ZBTB20: variants seen among roughly 807,000 people sequenced by gnomAD.
The protein encoded by ZBTB20 is zinc finger and BTB domain containing 20, also known as zinc finger and BTB domain-containing protein 20.
A neutral mutation model predicts 56.9 loss-of-function variants in ZBTB20; 9 were observed. That is an observed-to-expected ratio of 0.16 (90% CI 0.10 to 0.28). The LOEUF is 0.28. ZBTB20 is among the 10% of genes least tolerant of loss of function. The pLI, the probability that ZBTB20 is intolerant of heterozygous loss-of-function variation, is 1.00. For synonymous variants in ZBTB20, 417 were observed against 420.7 expected (o/e 0.99, Z 0.11); for missense variants, 655 against 1,003.0 (o/e 0.65, Z 4.69).
At chr3:114,480,602 T>C (rs2041423613) in intron 7 of ZBTB20, among the ~76,000 whole-genome samples, 1 of 152,216 alleles carries the variant, frequency 6.6e-6, no homozygotes, top group Non-Finnish European at 1.5e-5. Flanking sequence ...GTGGTCAGGT[T>C]TGAACTGAAG....
At chr3:114,921,243 T>G (rs1404348254) in intron 3 of ZBTB20, among the ~76,000 whole-genome samples, 1 of 152,062 alleles carries the variant, frequency 6.6e-6, no homozygotes, top group Non-Finnish European at 1.5e-5. Context: ...CTGCTTCAGC[T>G]TCCCAAGTAG....
intron 4 of ZBTB20, among the ~76,000 whole-genome samples, chr3:114,835,384 GT>G (rs1433212168): frequency 6.6e-5 from 10 of 151,702 alleles, no homozygotes; most frequent in South Asian, 2.1e-4. Context: ...CAAAAAAGTT[GT>G]TTTTTTAATA....
At chr3:115,068,683 G>T (rs1192296138) in intron 2 of ZBTB20, among the ~76,000 whole-genome samples, 1 of 151,910 alleles carries the variant, frequency 6.6e-6, no homozygotes, top group African/African-American at 2.4e-5. Context: ...TCCATTATAG[G>T]CCCCGAAAGT....
At chr3:114,570,134 T>A (rs758220004) in intron 6 of ZBTB20, among the ~76,000 whole-genome samples, 8 of 141,484 alleles carry the variant, frequency 5.7e-5, no homozygotes, top group Non-Finnish European at 1.3e-4. Flanking sequence ...AAGAAGATTA[T>A]AAAGGTAAAA....
chr3:114,662,178 G>A (rs1443968449), intron 6 of ZBTB20, among the ~76,000 whole-genome samples: 3 of 151,492 alleles, frequency 2.0e-5, no homozygotes, highest in African/African-American at 4.9e-5. Flanking sequence ...TCTTGCGATA[G>A]TTTACTGAGA....
chr3:115,036,307 T>C (rs183684798), intron 2 of ZBTB20, among the ~76,000 whole-genome samples: 11 of 150,106 alleles, frequency 7.3e-5, no homozygotes, highest in Admixed American at 6.6e-4. Flanking sequence ...TTTTTCTTTC[T>C]TTTTTTTTTC....
chr3:115,005,686 T>C (rs542729474), intron 2 of ZBTB20, among the ~76,000 whole-genome samples: 10 of 151,786 alleles, frequency 6.6e-5, no homozygotes, highest in Non-Finnish European at 1.3e-4. Context: ...GACAAATCTA[T>C]CAACTTCTCT....
chr3:114,544,445 CTTTCTTTCTT>C, intron 6 of ZBTB20, among the ~76,000 whole-genome samples: 1 of 106,284 alleles, frequency 9.4e-6, no homozygotes, highest in East Asian at 2.4e-4. Flanking sequence ...TTCTTTCTTT[CTTTCTTTCTT>C]TCTTTCTTTC....
chr3:114,943,275 T>A (rs1244638727), intron 3 of ZBTB20, among the ~76,000 whole-genome samples: 1 of 145,560 alleles, frequency 6.9e-6, no homozygotes, highest in Admixed American at 6.6e-5. Flanking sequence ...ATTCTAATAA[T>A]CTGTGAGGAG....
chr3:114,831,905 A>G (rs571134184), intron 4 of ZBTB20, among the ~76,000 whole-genome samples: 5 of 152,190 alleles, frequency 3.3e-5, no homozygotes, highest in African/African-American at 1.2e-4. Context: ...CTAGGATCCT[A>G]TTCCACCTGG....
At chr3:114,594,889 A>C (rs897568389) in intron 6 of ZBTB20, among the ~76,000 whole-genome samples, 1 of 152,224 alleles carries the variant, frequency 6.6e-6, no homozygotes, top group African/African-American at 2.4e-5. Context: ...CTAACTATAG[A>C]TAGGGGCAGG....
chr3:115,146,436 G>A (rs2084976711), intron 1 of ZBTB20, among the ~76,000 whole-genome samples: 2 of 152,190 alleles, frequency 1.3e-5, no homozygotes, highest in South Asian at 4.1e-4. Flanking sequence ...CAGTGTACGA[G>A]AGACGGCATT....
At chr3:114,567,371 C>T (rs769700699) in intron 6 of ZBTB20, among the ~76,000 whole-genome samples, 14 of 152,072 alleles carry the variant, frequency 9.2e-5, no homozygotes, top group Non-Finnish European at 1.8e-4. Context: ...GCATAAATGC[C>T]GTTTCCTACT....
At chr3:114,352,025 G>T in intron 10 of ZBTB20, 147 bp from the exon 11 acceptor site, 1 of 1,024,928 alleles carries the variant, frequency 9.8e-7, no homozygotes, top group Non-Finnish European at 1.4e-6. Context: ...GACAGGCTGC[G>T]GCATACAAGC....
At chr3:114,789,546 T>C (rs2070788831) in intron 5 of ZBTB20, among the ~76,000 whole-genome samples, 1 of 151,964 alleles carries the variant, frequency 6.6e-6, no homozygotes, top group South Asian at 2.1e-4. Context: ...TGATCCTGAG[T>C]TGGGGGAGCT....
At chr3:114,783,116 T>C (rs557495417) in intron 5 of ZBTB20, among the ~76,000 whole-genome samples, 1 of 152,126 alleles carries the variant, frequency 6.6e-6, no homozygotes, top group Non-Finnish European at 1.5e-5. Flanking sequence ...CAGAATAAAG[T>C]CTCTGCATAA....
intron 7 of ZBTB20, among the ~76,000 whole-genome samples, chr3:114,397,431 A>AT (rs1033727101): frequency 1.3e-5 from 2 of 151,468 alleles, no homozygotes; most frequent in Non-Finnish European, 2.9e-5. Flanking sequence ...TCCTCAGGAT[A>AT]TATCTTTTCC....
intron 6 of ZBTB20, among the ~76,000 whole-genome samples, chr3:114,604,671 C>G (rs1044270877): frequency 6.6e-6 from 1 of 151,868 alleles, no homozygotes; most frequent in Non-Finnish European, 1.5e-5. Flanking sequence ...TCTGGGTAAA[C>G]GTGGTAAAAA....
chr3:114,577,501 CA>C (rs942689671), intron 6 of ZBTB20, among the ~76,000 whole-genome samples: 1 of 152,158 alleles, frequency 6.6e-6, no homozygotes, highest in African/African-American at 2.4e-5. Context: ...GAAACACAGT[CA>C]GACTTAAAAA....
Sources: gnomAD v4.1 joint callset for allele counts (sites outside exome capture counted in the v4.1 genomes callset) on GRCh38, gnomAD v4.1.1 for gene constraint, MANE v1.5 for transcripts, NCBI Gene and HGNC (gene_info 2026-07-23, HGNC 2026-07-21) for gene names.